TNS1: variants seen among roughly 807,000 people sequenced by gnomAD.
The protein encoded by TNS1 is tensin-1.
In TNS1, 62 loss-of-function variants were observed where a neutral mutation model predicts 168.6. The ratio of observed to expected loss-of-function variants is 0.37; its 90% confidence interval spans 0.30 to 0.45. The LOEUF (loss-of-function observed/expected upper bound fraction) is 0.45, where lower values mean the gene tolerates loss of function less well. Among genes scored for constraint, TNS1 ranks in the 20% least tolerant of loss-of-function variants. The probability of loss-of-function intolerance (pLI) is 1.00; values close to 1 mark genes in which losing one functional copy is unlikely to be tolerated. For synonymous variants in TNS1, 934 were observed against 933.2 expected (o/e 1.00, Z -0.02); for missense variants, 2,240 against 2,339.4 (o/e 0.96, Z 0.88).
At chr2:217,890,733 G>C in intron 12 of TNS1, 6 of 587,328 alleles carry the variant, frequency 1.0e-5, no homozygotes, top group Non-Finnish European at 1.8e-5. Flanking sequence ...CTCTAGCACA[G>C]GCCTCAGAGT....
chr2:217,927,111 T>A (rs544196484), intron 3 of TNS1, among the ~76,000 whole-genome samples: 1 of 152,204 alleles, frequency 6.6e-6, no homozygotes, highest in South Asian at 2.1e-4. Context: ...GCCATTTCCA[T>A]TGAGAAGTCC....
Position 217,813,404 on chromosome 2 carries a change from C to T in TNS1, c.4862-97G>A. 1 of 1,107,204 alleles carries T rather than the reference C, an allele frequency of 9.0e-7. No individual in the cohort carries two copies. The highest frequency in any genetic ancestry group is 1.3e-6 in the Non-Finnish European group (1 of 748,368). The allele number at this position is 1,107,204 out of a possible 1,614,324, so 68.6% of individuals were successfully genotyped here. A position where few individuals can be genotyped will look rare whatever the true frequency, so the allele number is the denominator to read the frequency against. On this transcript the variant is annotated intron_variant, in intron 26 of 32. Transcript: ENST00000682258. This position sits in a 1 kb window ranked among gnomAD's most constrained non-coding sequence, Gnocchi z 4.0. ...TCAAAACTTCCGCAGTGTGCGGGGC[C>T]AAGATGGGAGAAATGACTGAAGAGA...
chr2:217,970,838 A>G (rs916423540), intron 3 of TNS1, among the ~76,000 whole-genome samples: 1 of 152,150 alleles, frequency 6.6e-6, no homozygotes. Flanking sequence ...TACAAAAAAA[A>G]TCATTGAATT....
At chr2:217,858,403 G>T in intron 18 of TNS1, 1 of 559,880 alleles carries the variant, frequency 1.8e-6, no homozygotes, top group Non-Finnish European at 2.3e-6. Context: ...CACCCTCCCA[G>T]CACAGAAGCA....
intron 3 of TNS1, among the ~76,000 whole-genome samples, chr2:217,964,788 G>A (rs774811223): frequency 5.3e-5 from 8 of 152,210 alleles, no homozygotes; most frequent in Non-Finnish European, 7.3e-5. Flanking sequence ...TCGCTTGGGT[G>A]CGCCGGGCCG....
intron 3 of TNS1, among the ~76,000 whole-genome samples, chr2:217,965,950 G>A (rs1197120516): frequency 6.6e-6 from 1 of 151,588 alleles, no homozygotes; most frequent in Admixed American, 6.6e-5. Flanking sequence ...ACTGGTCTTT[G>A]TTCCCTCTAG....
chr2:217,926,522 G>C (rs187753398), intron 3 of TNS1, among the ~76,000 whole-genome samples: 14 of 152,288 alleles, frequency 9.2e-5, no homozygotes, highest in Non-Finnish European at 1.9e-4. Context: ...GGGGTTTGTA[G>C]AGCACCCACT....
intron 1 of TNS1, 104 bp downstream of exon 1, chr2:218,002,736 C>A (rs13430843): frequency 4.4e-6 from 2 of 453,582 alleles, no homozygotes; most frequent in Admixed American, 2.4e-5. Flanking sequence ...AAGACTGACA[C>A]CCCCCGACCC....
rs772107236 is a variant in TNS1, at chr2:217,847,800, C to T, written c.2717G>A (p.Arg906Gln). Residue 906 changes from arginine (R) to glutamine (Q), a missense_variant, in exon 19 of 33, where the codon CGG becomes CAG. By Grantham distance (43) the Arg-to-Gln change is conservative. This residue lies in a region of TNS1 where 2,131 missense variants were observed against 2,171.2 expected (regional missense o/e 0.98). Transcript: ENST00000682258. ...HSLGTPEPAP[R>Q]ASLESVPPGR... The stretch of plus-strand genomic sequence containing the variant: ...AGGAGGGACAGACTCCAGAGAGGCC[C>T]GTGGGGCTGGCTCAGGGGTTCCCAA... 6 of 1,602,120 alleles carry T rather than the reference C, an allele frequency of 3.7e-6. No individual in the cohort carries two copies. The highest frequency in any genetic ancestry group is 1.7e-5 in the Admixed American group (1 of 59,810).
At chr2:217,964,295 T>C (rs927918258) in intron 3 of TNS1, among the ~76,000 whole-genome samples, 1 of 152,352 alleles carries the variant, frequency 6.6e-6, no homozygotes, top group Admixed American at 6.5e-5. Flanking sequence ...AAGATCTATG[T>C]TTATGACTAT....
Position 217,814,977 on chromosome 2 carries a change from G to A in TNS1, c.4664C>T (p.Ala1555Val). ...SMPDNSPETR[A>V]KVKFVQDTSK... ...AGTGTCCTGGACAAACTTCACTTTA[G>A]CCCGCGTCTCCGGGCTGTTGTCTAA... The change falls in exon 25 of 33, where the codon GCT becomes GTT. Residue 1555 changes from alanine (A) to valine (V), a missense_variant. Ala to Val is a moderately conservative substitution (Grantham distance 64, BLOSUM62 0). Transcript: ENST00000682258. The A allele has an allele frequency of 6.2e-7, 1 of 1,613,268 alleles. No individual in the cohort carries two copies. The highest frequency in any genetic ancestry group is 8.5e-7 in the Non-Finnish European group (1 of 1,179,676).
At chr2:217,843,906 G>A (rs1946311003) in intron 19 of TNS1, among the ~76,000 whole-genome samples, 1 of 152,002 alleles carries the variant, frequency 6.6e-6, no homozygotes, top group Non-Finnish European at 1.5e-5. Flanking sequence ...TCCAAAACCT[G>A]TAGCTCTTCC....
chr2:217,933,829 G>A (rs1385729587), intron 3 of TNS1, among the ~76,000 whole-genome samples: 1 of 152,198 alleles, frequency 6.6e-6, no homozygotes, highest in African/African-American at 2.4e-5. Context: ...AGAAATGGAA[G>A]AGCAGGTGCA....
intron 32 of TNS1, 21 bp from the exon 33 acceptor site, chr2:217,804,624 C>G: frequency 6.2e-7 from 1 of 1,613,502 alleles, no homozygotes; most frequent in Non-Finnish European, 8.5e-7. Context: ...GAGAGGGCAA[C>G]GGGCATGAGG....
At chr2:217,850,198 C>G in intron 18 of TNS1, 1 of 985,392 alleles carries the variant, frequency 1.0e-6, no homozygotes, top group East Asian at 1.1e-4. Flanking sequence ...TGCTCTGAGC[C>G]AGCCCGGGGG....
intron 2 of TNS1, among the ~76,000 whole-genome samples, chr2:217,981,638 G>C (rs940104627): frequency 6.6e-6 from 1 of 152,190 alleles, no homozygotes; most frequent in Non-Finnish European, 1.5e-5. Context: ...GACAGGCTTG[G>C]CCAAGCCCCC....
intron 18 of TNS1, among the ~76,000 whole-genome samples, chr2:217,858,141 T>C (rs1314905964): frequency 6.6e-6 from 1 of 152,120 alleles, no homozygotes; most frequent in Non-Finnish European, 1.5e-5. Flanking sequence ...CCTCATTCCC[T>C]CTGCCAACCC....
chr2:217,892,659 A>G (rs1951855557), intron 11 of TNS1, among the ~76,000 whole-genome samples: 2 of 152,116 alleles, frequency 1.3e-5, no homozygotes, highest in African/African-American at 2.4e-5. Flanking sequence ...GCAGTTTGGC[A>G]AGGAAAAGTG....
chr2:217,876,927 G>A (rs1440837619), intron 18 of TNS1, among the ~76,000 whole-genome samples: 2 of 152,164 alleles, frequency 1.3e-5, no homozygotes, highest in African/African-American at 4.8e-5. Context: ...CCCTGGGTCT[G>A]TGGTGCTTTG....
Sources: allele counts gnomAD v4.1 joint callset (sites outside exome capture counted in the v4.1 genomes callset), GRCh38; gene constraint gnomAD v4.1.1; regional missense constraint gnomAD v4.1.1; non-coding constraint Gnocchi (gnomAD v3.1); transcripts MANE v1.5; gene names NCBI Gene and HGNC (gene_info 2026-07-23, HGNC 2026-07-21).